HTR5A: variants seen among roughly 807,000 people sequenced by gnomAD.
HTR5A encodes 5-HT-5.
Under a neutral mutation model 24.3 loss-of-function variants are expected in HTR5A, and 21 were observed. The observed-to-expected ratio is 0.86, with a 90% CI of 0.61 to 1.24. The LOEUF (loss-of-function observed/expected upper bound fraction) is 1.24, where lower values mean the gene tolerates loss of function less well. HTR5A is among the 50% of genes most tolerant of loss of function. The pLI is 0.00. For synonymous variants in HTR5A, 260 were observed against 213.7 expected, an observed-to-expected ratio of 1.22 and a Z score of -1.89; for missense variants, 497 against 489.5, an observed-to-expected ratio of 1.02 and a Z score of -0.15.
chr7:155,074,384 AG>A (rs1795338446), intron 1 of HTR5A, among the ~76,000 whole-genome samples: 1 of 152,186 alleles, frequency 6.6e-6, no homozygotes, highest in Admixed American at 6.5e-5. Context: ...GTCTAGGCAC[AG>A]TTTGCCTAAG....
At position 155,071,521 on chromosome 7, in the gene HTR5A, G is replaced by T. The variant is rs1382813307; in HGVS notation, c.622G>T (p.Ala208Ser). ...PSYAVFSTVGAFYLPLCVVLF... is the reference protein window; with the variant it reads ...PSYAVFSTVGSFYLPLCVVLF... ...CTACGCCGTGTTCTCCACCGTAGGC[G>T]CCTTCTACCTGCCGCTCTGTGTGGT... Residue 208 changes from alanine (A) to serine (S), a missense_variant, in exon 1 of 2, where the codon GCC becomes TCC. Transcript: ENST00000287907. The T allele has an allele frequency of 6.2e-7, 1 of 1,614,058 alleles. No homozygotes were observed. Among genetic ancestry groups the T allele is most frequent in the Non-Finnish European group, 8.5e-7 (1 of 1,180,046 alleles).
Position 155,085,536 on chromosome 7 carries a change from A to G in HTR5A, c.*1049A>G, listed in dbSNP as rs1795467680. On this transcript the variant is annotated 3_prime_UTR_variant, in exon 2 of 2. Transcript: ENST00000287907. ...GCTAGTAGGCAATGAAAAAGACAGA[A>G]CAATGGTAAAATGCAGCCCCAGTCC... is the stretch of plus-strand genomic sequence containing the variant. The G allele has an allele frequency of 6.6e-6, 1 of 152,122 alleles. No individual in the cohort carries two copies. The highest frequency in any genetic ancestry group is 2.1e-4 in the South Asian group (1 of 4,812). The allele number at this position is 152,122 out of a possible 1,614,324, so 9.4% of individuals were successfully genotyped here. A position where few individuals can be genotyped will look rare whatever the true frequency, so the allele number is the denominator to read the frequency against.
At chr7:155,075,875 C>T (rs1345670622) in intron 1 of HTR5A, among the ~76,000 whole-genome samples, 1 of 152,156 alleles carries the variant, frequency 6.6e-6, no homozygotes, top group Admixed American at 6.6e-5. Context: ...AGTTATCCAA[C>T]TGTTTAAATG....
Position 155,070,908 on chromosome 7 carries a change from A to G in HTR5A, c.9A>G (p.Leu3=), listed in dbSNP as rs543684593. 2 of 1,600,058 alleles carry G rather than the reference A, an allele frequency of 1.2e-6. No individual in the cohort carries two copies. Among genetic ancestry groups the G allele is most frequent in the African/African-American group, 2.7e-5 (2 of 74,962 alleles). The change falls in exon 1 of 2, where the codon TTA becomes TTG. Residue 3 remains leucine (L), a synonymous_variant. Transcript: ENST00000287907. ...GGTCTCCTGACCCAGAGATGGATTT[A>G]CCTGTGAACCTAACCTCCTTTTCCC... The part of the protein sequence containing the change: MD[L]PVNLTSFSLS...
chr7:155,083,784 C>T (rs1278035175), intron 1 of HTR5A, among the ~76,000 whole-genome samples: 2 of 151,992 alleles, frequency 1.3e-5, no homozygotes, highest in African/African-American at 4.8e-5. Flanking sequence ...CCTAAGTGTA[C>T]AGGATTTTGA....
At chr7:155,081,128 G>A (rs1175084119) in intron 1 of HTR5A, among the ~76,000 whole-genome samples, 6 of 152,086 alleles carry the variant, frequency 3.9e-5, no homozygotes, top group Admixed American at 2.0e-4. Flanking sequence ...GATGTGTAAG[G>A]CCATTTTTAG....
intron 1 of HTR5A, among the ~76,000 whole-genome samples, chr7:155,076,665 C>T (rs1795362424): frequency 6.6e-6 from 1 of 152,104 alleles, no homozygotes; most frequent in African/African-American, 2.4e-5. Flanking sequence ...CTAAGGGTTT[C>T]CTAGCTGCGG....
chr7:155,072,479 G>A (rs1374177094), intron 1 of HTR5A, among the ~76,000 whole-genome samples: 1 of 152,152 alleles, frequency 6.6e-6, no homozygotes. Context: ...CAACAGCGAG[G>A]GAGCTTTTCT....
chr7:155,078,747 GCTT>G (rs1019055409), intron 1 of HTR5A, among the ~76,000 whole-genome samples: 10 of 30,348 alleles, frequency 3.3e-4, no homozygotes, highest in African/African-American at 5.9e-4. Context: ...TATTTTCTGT[GCTT>G]CTTTTTTTTT....
At chr7:155,074,138 T>C (rs1795335572) in intron 1 of HTR5A, among the ~76,000 whole-genome samples, 1 of 152,026 alleles carries the variant, frequency 6.6e-6, no homozygotes, top group Non-Finnish European at 1.5e-5. Context: ...GTTCTACCAC[T>C]AGCTAGCTGT....
At chr7:155,083,976 C>T (rs1281260670) in intron 1 of HTR5A, among the ~76,000 whole-genome samples, 179 bp from the exon 2 acceptor site, 1 of 152,208 alleles carries the variant, frequency 6.6e-6, no homozygotes, top group African/African-American at 2.4e-5. Flanking sequence ...AACACCTCAG[C>T]TCTGTTGCCT....
At position 155,087,137 on chromosome 7, in the gene HTR5A, A is replaced by G. The variant is rs1335155393; in HGVS notation, c.*2650A>G. Among the ~76,000 whole-genome samples, 1 of 152,148 alleles carries G rather than the reference A, an allele frequency of 6.6e-6. No homozygotes were observed. Among genetic ancestry groups the G allele is most frequent in the Non-Finnish European group, 1.5e-5 (1 of 68,010 alleles). Reference sequence around the variant, plus strand: ...CCCTCTTGAGGTCACTATCAGTTTTATATTTTCATTGTGCGGTAGTGAAAG... The same window carrying G: ...CCCTCTTGAGGTCACTATCAGTTTTGTATTTTCATTGTGCGGTAGTGAAAG... On this transcript the variant is annotated 3_prime_UTR_variant, in exon 2 of 2. Transcript: ENST00000287907.
In HTR5A at chr7:155,073,903, A is replaced by ATATATATATGTGTGTG. The variant is rs1554519643; in HGVS notation, c.741+2272_741+2273insGTGTGTGTATATATAT. On this transcript the variant is annotated intron_variant, in intron 1 of 1. Transcript: ENST00000287907. ...TATATATATATGTATATATATATAT[A>ATATATATATGTGTGTG]TATATATATATATGTATATATATAT... 4.1e-4 allele frequency among the ~76,000 whole-genome samples: 53 copies of ATATATATATGTGTGTG among 128,374 alleles called. 3 individuals are homozygous for ATATATATATGTGTGTG. The highest frequency in any genetic ancestry group is 7.3e-4 in the Non-Finnish European group (46 of 62,656). 84.2% of individuals were successfully genotyped at this position (128,374 alleles called of 152,430 possible). A position where few individuals can be genotyped will look rare whatever the true frequency, so the allele number is the denominator to read the frequency against.
intron 1 of HTR5A, among the ~76,000 whole-genome samples, chr7:155,075,559 A>T (rs1022994717): frequency 3.3e-5 from 5 of 152,218 alleles, no homozygotes; most frequent in African/African-American, 7.2e-5. Context: ...CCTTGACCCA[A>T]GACTTCCCAG....
chr7:155,071,253 C>T lies in HTR5A; in HGVS notation c.354C>T (p.Ile118=), dbSNP rs755079876. 1.2e-6 allele frequency: 2 copies of T among 1,605,492 alleles called. No homozygotes were observed. The highest frequency in any genetic ancestry group is 1.7e-5 in the Admixed American group (1 of 60,012). Reference sequence around the variant, plus strand: ...GTCGGAGGCTGTGCCAGCTTTGGATCGCGTGCGACGTGCTTTGCTGCACGG... The same window carrying T: ...GTCGGAGGCTGTGCCAGCTTTGGATTGCGTGCGACGTGCTTTGCTGCACGG... ...QLGRRLCQLW[I]ACDVLCCTAS... Residue 118 remains isoleucine (I), a synonymous_variant, in exon 1 of 2, where the codon ATC becomes ATT. Coordinates refer to ENST00000287907, the MANE Select transcript of HTR5A (RefSeq NM_024012.4).
In HTR5A at chr7:155,071,001, C is replaced by A; in HGVS notation, c.102C>A (p.Pro34=). The change falls in exon 1 of 2, where the codon CCC becomes CCA. Residue 34 remains proline (P), a synonymous_variant. Transcript: ENST00000287907. ...LGKDDLRPSS[P]LLSVFGVLIL... ...AAGACGACCTGCGCCCCAGCTCGCC[C>A]CTGCTCTCGGTCTTCGGAGTGCTTA... The A allele has an allele frequency of 6.2e-7, 1 of 1,612,040 alleles. No individual in the cohort carries two copies. The highest frequency in any genetic ancestry group is 8.5e-7 in the Non-Finnish European group (1 of 1,180,038).
chr7:155,076,840 T>C (rs896652080), intron 1 of HTR5A, among the ~76,000 whole-genome samples: 3 of 152,228 alleles, frequency 2.0e-5, no homozygotes, highest in Admixed American at 2.0e-4. Flanking sequence ...TGTTGACTAG[T>C]TGAATTGATG....
chr7:155,078,071 C>T (rs1216927819), intron 1 of HTR5A, among the ~76,000 whole-genome samples: 1 of 152,066 alleles, frequency 6.6e-6, no homozygotes, highest in Non-Finnish European at 1.5e-5. Flanking sequence ...TTGGCCAACA[C>T]GAGATGTTCA....
chr7:155,074,886 G>T (rs183604973), intron 1 of HTR5A: 1 of 152,254 alleles, frequency 6.6e-6, no homozygotes, highest in African/African-American at 2.4e-5. Context: ...AGTAGGATAC[G>T]TAGATGAATA....
Sources: gnomAD v4.1 joint callset for allele counts (sites outside exome capture counted in the v4.1 genomes callset) on GRCh38, gnomAD v4.1.1 for gene constraint, MANE v1.5 for transcripts, NCBI Gene and HGNC (gene_info 2026-07-23, HGNC 2026-07-21) for gene names.